PARN: variants seen among roughly 807,000 people sequenced by gnomAD.
PARN encodes poly(A)-specific ribonuclease.
A neutral mutation model predicts 102.8 loss-of-function variants in PARN; 71 were observed. The observed-to-expected ratio is 0.69, with a 90% CI of 0.57 to 0.84. The LOEUF (loss-of-function observed/expected upper bound fraction) is 0.84, where lower values mean the gene tolerates loss of function less well. PARN is among the 40% of genes least tolerant of loss of function. The pLI is 0.00. For missense variants in PARN, 782 were observed against 760.9 expected (o/e 1.03, Z -0.33); for synonymous variants, 261 against 252.9 (o/e 1.03, Z -0.30).
intron 21 of PARN, among the ~76,000 whole-genome samples, chr16:14,496,794 T>A (rs1287489466): frequency 1.3e-5 from 2 of 152,184 alleles, no homozygotes; most frequent in Non-Finnish European, 2.9e-5. Context: ...CAATCATGGT[T>A]TATAGGGAGG....
chr16:14,454,542 T>C (rs548986972), intron 22 of PARN, among the ~76,000 whole-genome samples: 3 of 152,354 alleles, frequency 2.0e-5, no homozygotes, highest in African/African-American at 7.2e-5. Context: ...GTTATCATTT[T>C]AGTTCTTCCA....
chr16:14,596,587 T>C (rs1376126915), intron 12 of PARN, among the ~76,000 whole-genome samples: 1 of 151,442 alleles, frequency 6.6e-6, no homozygotes, highest in South Asian at 2.1e-4. Flanking sequence ...AAAATATATA[T>C]ATAAAATTAT....
chr16:14,465,512 T>G (rs1176244209), intron 22 of PARN, among the ~76,000 whole-genome samples: 3 of 152,180 alleles, frequency 2.0e-5, no homozygotes, highest in Admixed American at 6.5e-5. Context: ...GCTGGGAAAT[T>G]TAAGTATATT....
At chr16:14,470,437 G>GATGATTATT (rs369121377) in intron 22 of PARN, among the ~76,000 whole-genome samples, 299 of 147,146 alleles carry the variant, frequency 2.0e-3, no homozygotes, top group African/African-American at 7.0e-3. Context: ...GAGTTTGGAT[G>GATGATTATT]ATTATTATTA....
chr16:14,496,341 G>A (rs1344326779), intron 21 of PARN, among the ~76,000 whole-genome samples: 1 of 152,208 alleles, frequency 6.6e-6, no homozygotes, highest in African/African-American at 2.4e-5. Context: ...AGTGGGTAGT[G>A]AAGTGCAGAA....
intron 21 of PARN, among the ~76,000 whole-genome samples, chr16:14,524,873 T>C (rs1346556615): frequency 3.9e-5 from 6 of 152,210 alleles, no homozygotes; most frequent in African/African-American, 1.4e-4. Context: ...ACATATAAAA[T>C]GAAACTCTTA....
chr16:14,501,932 T>C (rs1003239535), intron 21 of PARN, among the ~76,000 whole-genome samples: 1 of 152,210 alleles, frequency 6.6e-6, no homozygotes, highest in South Asian at 2.1e-4. Flanking sequence ...CAGGCACACC[T>C]TGCACTCAGC....
Position 14,608,311 on chromosome 16 carries a change from C to T in PARN, c.629G>A (p.Arg210Lys). The T allele has an allele frequency of 6.5e-7, 1 of 1,535,960 alleles. No individual in the cohort carries two copies. Among genetic ancestry groups the T allele is most frequent in the Admixed American group, 2.0e-5 (1 of 49,988 alleles). Residue 210 changes from arginine (R) to lysine (K), a missense_variant, in exon 9 of 24, where the codon AGA becomes AAA. Coordinates refer to ENST00000437198, the MANE Select transcript of PARN (RefSeq NM_002582.4). ...LDLEPCTGFQ[R>K]KLIYQTLSWK... ...GCTCAAAGTCTGATAAATTAGTTTT[C>T]TTTGGAACCTATAAAAACAAAAGAA... is the stretch of plus-strand genomic sequence containing the variant.
chr16:14,466,792 T>G (rs1161204920), intron 22 of PARN, among the ~76,000 whole-genome samples: 1 of 150,806 alleles, frequency 6.6e-6, no homozygotes, highest in African/African-American at 2.4e-5. Flanking sequence ...ACAACAAACT[T>G]TATATCTTAA....
At chr16:14,487,657 T>C (rs1352531031) in intron 21 of PARN, among the ~76,000 whole-genome samples, 1 of 152,202 alleles carries the variant, frequency 6.6e-6, no homozygotes, top group East Asian at 1.9e-4. Flanking sequence ...AATTAAATAT[T>C]GAAAAAAATT....
chr16:14,618,360 T>C (rs1464918697), intron 5 of PARN, among the ~76,000 whole-genome samples: 1 of 151,972 alleles, frequency 6.6e-6, no homozygotes, highest in African/African-American at 2.4e-5. Context: ...AGGCAGCATG[T>C]GCCTCTAGTC....
intron 14 of PARN, among the ~76,000 whole-genome samples, chr16:14,585,144 G>T (rs564337811): frequency 6.7e-4 from 102 of 152,284 alleles, no homozygotes; most frequent in African/African-American, 2.3e-3. Flanking sequence ...CTCTCACATG[G>T]TTTTACGTGG....
rs117951060 is a variant in PARN, at chr16:14,563,874, T to C, written c.1263-8165A>G. ...TGAGGAATTATGAGTGGGATTTTTG[T>C]GTTTTAAAAAGAAAAAAAAATTAAG... is the stretch of plus-strand genomic sequence containing the variant. On this transcript the variant is annotated intron_variant, in intron 18 of 23. Coordinates refer to ENST00000437198, the MANE Select transcript of PARN (RefSeq NM_002582.4). 1.8e-3 allele frequency among the ~76,000 whole-genome samples: 276 copies of C among 152,210 alleles called. 5 individuals are homozygous for C. The East Asian group carries it at 0.042, about 23-fold the overall frequency.
chr16:14,540,762 G>T (rs1041602488), intron 21 of PARN, among the ~76,000 whole-genome samples: 2 of 151,886 alleles, frequency 1.3e-5, no homozygotes, highest in African/African-American at 4.8e-5. Flanking sequence ...GACCAGCCTG[G>T]GCAACATGGC....
intron 21 of PARN, among the ~76,000 whole-genome samples, chr16:14,485,050 G>A (rs936648770): frequency 3.9e-5 from 6 of 152,158 alleles, no homozygotes; most frequent in Non-Finnish European, 8.8e-5. Context: ...TGAGACCCCC[G>A]TCTCTAAAAA....
intron 6 of PARN, among the ~76,000 whole-genome samples, chr16:14,615,998 C>A (rs1038009074): frequency 2.0e-5 from 3 of 151,354 alleles, no homozygotes; most frequent in Non-Finnish European, 4.4e-5. Flanking sequence ...AGTCCATGTA[C>A]TTTTTTTTGA....
Position 14,593,492 on chromosome 16 carries a change from TAAAAAAAAAAAAAA to T in PARN, c.841-128_841-115del, listed in dbSNP as rs35329440. The T allele has an allele frequency of 4.4e-3, 140 of 31,810 alleles. 2 individuals carry two copies. Among genetic ancestry groups the T allele is most frequent in the Middle Eastern group, 0.016 (1 of 64 alleles). The allele number at this position is 31,810 out of a possible 1,614,324, so 2.0% of individuals were successfully genotyped here. A position where few individuals can be genotyped will look rare whatever the true frequency, so the allele number is the denominator to read the frequency against. ...TTGTACTAAACTCGCTTTCCAGACT[TAAAAAAAAAAAAAA>T]AAAAAAAAAAAAAAAAAGTACAAAT... On this transcript the variant is annotated intron_variant, in intron 12 of 23. Transcript: ENST00000437198.
At chr16:14,498,810 CA>C (rs1270096872) in intron 21 of PARN, among the ~76,000 whole-genome samples, 2 of 152,212 alleles carry the variant, frequency 1.3e-5, no homozygotes, top group African/African-American at 2.4e-5. Context: ...TACACTTCTC[CA>C]AAAGGGAAAT....
At chr16:14,624,661 G>T (rs1388034358) in intron 5 of PARN, among the ~76,000 whole-genome samples, 2 of 152,234 alleles carry the variant, frequency 1.3e-5, no homozygotes, top group Non-Finnish European at 2.9e-5. Flanking sequence ...GCTTACGCCT[G>T]TAACCCTAGC....
Sources: allele counts gnomAD v4.1 joint callset (sites outside exome capture counted in the v4.1 genomes callset), GRCh38; gene constraint gnomAD v4.1.1; transcripts MANE v1.5; gene names NCBI Gene and HGNC (gene_info 2026-07-23, HGNC 2026-07-21).